The following ARHGEF11 variants were observed in gnomAD, a reference collection of about 807,000 sequenced individuals.
ARHGEF11 encodes Rho guanine exchange factor (GEF) 11.
ARHGEF11 carries 55 observed loss-of-function variants against 193.7 expected under a neutral mutation model. The ratio of observed to expected loss-of-function variants is 0.28; its 90% CI spans 0.23 to 0.36. The LOEUF (loss-of-function observed/expected upper bound fraction) is 0.36, where lower values mean the gene tolerates loss of function less well. Ranked by LOEUF, ARHGEF11 falls within the 10% of genes least tolerant of loss-of-function variation. The pLI, the probability that ARHGEF11 is intolerant of heterozygous loss-of-function variation, is 1.00. For missense variants in ARHGEF11, 1,723 were observed against 2,005.6 expected (o/e 0.86, Z 2.69); for synonymous variants, 693 against 768.0 (o/e 0.90, Z 1.62).
intron 1 of ARHGEF11, among the ~76,000 whole-genome samples, chr1:156,992,685 G>T (rs1665922905): frequency 6.6e-6 from 1 of 152,126 alleles, no homozygotes; most frequent in Non-Finnish European, 1.5e-5. Context: ...CTCTTGAAAG[G>T]TCAGTCAGAA....
At chr1:156,953,463 AC>A (rs756253135) in intron 21 of ARHGEF11, among the ~76,000 whole-genome samples, 1 of 152,140 alleles carries the variant, frequency 6.6e-6, no homozygotes, top group Non-Finnish European at 1.5e-5. Context: ...AAACAAAAAA[AC>A]CTGAGGACTG....
At position 156,934,947 on chromosome 1, in the gene ARHGEF11, T is replaced by A. The variant is rs1248092828; in HGVS notation, c.*1053A>T. 1 of 148,238 alleles carries A rather than the reference T, an allele frequency of 6.7e-6. No individual in the cohort carries two copies. Among genetic ancestry groups the A allele is most frequent in the African/African-American group, 2.5e-5 (1 of 40,714 alleles). 9.2% of individuals were successfully genotyped at this position (148,238 alleles called of 1,614,324 possible). On this transcript the variant is annotated 3_prime_UTR_variant, in exon 41 of 41. Transcript: ENST00000368194. ...AGAACAGTCATTTCCATATCTATAT[T>A]TTATATATTATATATATATTTATAT... is the stretch of plus-strand genomic sequence containing the variant.
chr1:156,937,620 C>CA, intron 38 of ARHGEF11, 124 bp from the exon 39 acceptor site: 2 of 1,064,618 alleles, frequency 1.9e-6, no homozygotes, highest in East Asian at 2.7e-5. Flanking sequence ...CAGACAAACT[C>CA]AGAGAACGTG....
At chr1:156,947,132 T>A in intron 26 of ARHGEF11, 117 bp from the exon 27 acceptor site, 1 of 1,483,528 alleles carries the variant, frequency 6.7e-7, no homozygotes, top group Non-Finnish European at 9.3e-7. Context: ...CTGGAAACCA[T>A]TGTACTTTCG....
At chr1:156,971,974 A>G (rs1662554470) in intron 7 of ARHGEF11, 158 bp from the exon 8 acceptor site, 1 of 853,814 alleles carries the variant, frequency 1.2e-6, no homozygotes, top group Non-Finnish European at 1.7e-6. Flanking sequence ...GTATTTCAAC[A>G]TCATTCAGGA....
intron 1 of ARHGEF11, among the ~76,000 whole-genome samples, chr1:157,009,596 G>A (rs911257505): frequency 2.6e-5 from 4 of 152,188 alleles, no homozygotes; most frequent in African/African-American, 9.7e-5. Flanking sequence ...GGCTCTTAAA[G>A]GGTACCCACA....
intron 1 of ARHGEF11, among the ~76,000 whole-genome samples, chr1:157,005,229 A>G (rs1275460819): frequency 6.6e-6 from 1 of 152,144 alleles, no homozygotes; most frequent in Non-Finnish European, 1.5e-5. Flanking sequence ...TGACTGCCTT[A>G]TACCCACCAT....
chr1:157,013,098 T>C (rs1242590119), intron 1 of ARHGEF11, among the ~76,000 whole-genome samples: 1 of 152,076 alleles, frequency 6.6e-6, no homozygotes, highest in Non-Finnish European at 1.5e-5. Context: ...CATCTTTTGC[T>C]CTGCTGTCTA....
rs1329346265 is a variant in ARHGEF11, at chr1:157,017,045, GAGA to G, written c.32+27251_32+27253del. On this transcript the variant is annotated intron_variant, in intron 1 of 40. Coordinates refer to ENST00000368194, the MANE Select transcript of ARHGEF11 (RefSeq NM_198236.3). Reference sequence around the variant, plus strand: ...AAGATTTAAAAAAGAAAATAGGAAGGAGAAGAACTATTGATAAAGATGTATTCC... The same window carrying G: ...AAGATTTAAAAAAGAAAATAGGAAGGAGAACTATTGATAAAGATGTATTCC... Among the ~76,000 whole-genome samples, 6 of 152,300 alleles carry G rather than the reference GAGA, an allele frequency of 3.9e-5. No individual in the cohort carries two copies. In the South Asian group the frequency reaches 6.2e-4, roughly 16 times the overall value.
intron 9 of ARHGEF11, 78 bp from the exon 10 acceptor site, chr1:156,969,436 G>A (rs1186184594): frequency 7.2e-7 from 1 of 1,382,496 alleles, no homozygotes; most frequent in African/African-American, 1.4e-5. Context: ...GGGCACCTGT[G>A]TGCAGGGCAG....
chr1:157,007,899 G>GTTTTTTTTTTTTTTTTTTTTTT (rs11290114), intron 1 of ARHGEF11, among the ~76,000 whole-genome samples: 6 of 128,950 alleles, frequency 4.7e-5, no homozygotes, highest in African/African-American at 8.6e-5. Flanking sequence ...GAAGGCAAAG[G>GTTTTTTTTTTTTTTTTTTTTTT]TTTTTTTTTT....
chr1:156,955,749 G>C lies in ARHGEF11; in HGVS notation c.1722C>G (p.Asn574Lys), dbSNP rs146077424. 3.1e-6 allele frequency: 5 copies of C among 1,614,198 alleles called. No individual in the cohort carries two copies. In the South Asian group the frequency reaches 5.5e-5, roughly 18 times the overall value. Residue 574 changes from asparagine to lysine, a missense_variant, in exon 20 of 41, where the codon AAC becomes AAG. This residue lies in a region of ARHGEF11 where 491 missense variants were observed against 654.5 expected (regional missense o/e 0.75). Coordinates refer to ENST00000368194, the MANE Select transcript of ARHGEF11 (RefSeq NM_198236.3). ...GCTTCCCAATGTATTTGAGGATAGG[G>C]TTTCGCTTCTTGTCCTCCAAGGCAT... ...EKDALEDKKR[N>K]PILKYIGKPK...
At chr1:156,970,836 G>C (rs1662392457) in intron 8 of ARHGEF11, among the ~76,000 whole-genome samples, 1 of 152,188 alleles carries the variant, frequency 6.6e-6, no homozygotes, top group South Asian at 2.1e-4. Flanking sequence ...ACTTGCCCAA[G>C]AGTCTTTAAG....
intron 1 of ARHGEF11, among the ~76,000 whole-genome samples, chr1:157,034,617 G>A (rs1671687266): frequency 6.6e-6 from 1 of 152,184 alleles, no homozygotes; most frequent in South Asian, 2.1e-4. Flanking sequence ...AATGAGCTGT[G>A]TTCGAGTCAG....
At chr1:157,026,697 G>T (rs1459976918) in intron 1 of ARHGEF11, among the ~76,000 whole-genome samples, 1 of 152,228 alleles carries the variant, frequency 6.6e-6, no homozygotes, top group Non-Finnish European at 1.5e-5. Context: ...CAACTCCCGT[G>T]AGCCTCAGCT....
intron 1 of ARHGEF11, among the ~76,000 whole-genome samples, chr1:157,026,878 CAT>C (rs1670707818): frequency 1.3e-5 from 2 of 152,150 alleles, no homozygotes; most frequent in South Asian, 2.1e-4. Flanking sequence ...GATGTGATAA[CAT>C]GTGAGAAAAC....
chr1:156,956,712 C>T, intron 18 of ARHGEF11, 148 bp from the exon 19 acceptor site: 1 of 1,257,992 alleles, frequency 7.9e-7, no homozygotes. Flanking sequence ...TTAAATGGGA[C>T]AGCAGGCAGA....
Position 156,998,908 on chromosome 1 carries a change from G to A in ARHGEF11, c.33-12735C>T, listed in dbSNP as rs148990578. Among the ~76,000 whole-genome samples the A allele has an allele frequency of 5.5e-3, 838 of 152,330 alleles. 7 individuals carry two copies. Among genetic ancestry groups the A allele is most frequent in the African/African-American group, 0.019 (772 of 41,562 alleles). On this transcript the variant is annotated intron_variant, in intron 1 of 40. Coordinates refer to ENST00000368194, the MANE Select transcript of ARHGEF11 (RefSeq NM_198236.3). ...AGACCTAGATATTGGTGCTAATTCT[G>A]CCATTTACTAGCTGTGCAACTCCAG...
rs1483424460 is a variant in ARHGEF11, at chr1:156,937,124, G to A, written c.4441-119C>T. 26 of 1,566,672 alleles carry A rather than the reference G, an allele frequency of 1.7e-5. No homozygotes were observed. The East Asian group carries it at 2.2e-4, about 14-fold the overall frequency. On this transcript the variant is annotated intron_variant, in intron 39 of 40. Transcript: ENST00000368194. ...TGATTTAAGGGTGGCTGGGCGGGCT[G>A]GGGGAAGATCCCTGGGCCAGGACAG... is the stretch of plus-strand genomic sequence containing the variant.
Sources: allele counts gnomAD v4.1 joint callset (sites outside exome capture counted in the v4.1 genomes callset), GRCh38; gene constraint gnomAD v4.1.1; regional missense constraint gnomAD v4.1.1; transcripts MANE v1.5; gene names NCBI Gene and HGNC (gene_info 2026-07-23, HGNC 2026-07-21).